The following ZSCAN25 variants were observed in gnomAD, a reference collection of about 807,000 sequenced individuals.
The protein encoded by ZSCAN25 is zinc finger and SCAN domain containing 25.
ZSCAN25 carries 27 observed loss-of-function variants against 38.7 expected under a neutral mutation model. That is an observed-to-expected ratio of 0.70 (90% confidence interval 0.51 to 0.96). The LOEUF (loss-of-function observed/expected upper bound fraction) is 0.96, where lower values mean the gene tolerates loss of function less well. Ranked by LOEUF, ZSCAN25 falls within the 40% of genes least tolerant of loss-of-function variation. The pLI is 0.00. For synonymous variants in ZSCAN25, 273 were observed against 277.7 expected, an observed-to-expected ratio of 0.98 and a Z score of 0.17; for missense variants, 637 against 705.9, an observed-to-expected ratio of 0.90 and a Z score of 1.11.
the ZSCAN25 span, among the ~76,000 whole-genome samples, chr7:99,670,308 C>G: frequency 6.6e-6 from 1 of 152,152 alleles, no homozygotes; most frequent in East Asian, 1.9e-4. Flanking sequence ...TGAAAACCAA[C>G]TTAACAATAC....
At chr7:99,732,666 T>A in the ZSCAN25 span, among the ~76,000 whole-genome samples, 1 of 152,090 alleles carries the variant, frequency 6.6e-6, no homozygotes, top group Non-Finnish European at 1.5e-5. Context: ...AGCAGAAAAG[T>A]TGATGGAAGA....
the ZSCAN25 span, among the ~76,000 whole-genome samples, chr7:99,712,081 C>G: frequency 6.6e-6 from 1 of 152,160 alleles, no homozygotes; most frequent in Non-Finnish European, 1.5e-5. Context: ...GTTGGCCCCT[C>G]TCTTGATTTT....
In ZSCAN25 at chr7:99,622,603, A is replaced by C; in HGVS notation, c.644A>C (p.Gln215Pro). ...CTCCCCGCAGTGAATCCCAGAGACC[A>C]AGAGATGGCAGCTGGGTTCTTTACT... ...PGLPAVNPRD[Q>P]EMAAGFFTAG... Residue 215 changes from glutamine to proline, a missense_variant, in exon 6 of 8, where the codon CAA (glutamine) becomes CCA (proline). By Grantham distance (76) the Gln-to-Pro change is moderately conservative. Coordinates refer to ENST00000394152, the MANE Select transcript of ZSCAN25 (RefSeq NM_145115.3). 1 of 1,614,176 alleles carries C rather than the reference A, an allele frequency of 6.2e-7. No homozygotes were observed. The highest frequency in any genetic ancestry group is 8.5e-7 in the Non-Finnish European group (1 of 1,180,024).
In ZSCAN25 at chr7:99,629,906, C is replaced by T; in HGVS notation, c.1521C>T (p.Ile507=). The part of the protein sequence containing the change: ...KGERLVRHQR[I]HTGEKPYHCP... ...AGCGGCTGGTCCGACACCAGAGAATCCATACAGGGGAGAAGCCCTACCACT... is the reference window on the plus strand; with the variant it reads ...AGCGGCTGGTCCGACACCAGAGAATTCATACAGGGGAGAAGCCCTACCACT... The change falls in exon 8 of 8, where the codon ATC becomes ATT. Residue 507 remains isoleucine (I), a synonymous_variant. Transcript: ENST00000394152. The surrounding 1 kb of genome is among the most constrained non-coding windows in gnomAD (Gnocchi z 5.6). 1 of 1,614,204 alleles carries T rather than the reference C, an allele frequency of 6.2e-7. No homozygotes were observed. The highest frequency in any genetic ancestry group is 1.1e-5 in the South Asian group (1 of 91,080).
At chr7:99,717,479 T>C in the ZSCAN25 span, 1 of 1,609,116 alleles carries the variant, frequency 6.2e-7, no homozygotes, top group Non-Finnish European at 8.5e-7. Context: ...TGTCCCCACC[T>C]GATTCATTCT....
At chr7:99,634,088 A>G (rs535030458), downstream of ZSCAN25, among the ~76,000 whole-genome samples, 1 of 152,286 alleles carries the variant, frequency 6.6e-6, no homozygotes, top group East Asian at 1.9e-4. Flanking sequence ...ATGATGCTGT[A>G]CACCTTCAGT....
Position 99,629,111 on chromosome 7 carries a change from AC to A in ZSCAN25, c.806-76del. On this transcript the variant is annotated intron_variant, in intron 7 of 7. Coordinates refer to ENST00000394152, the MANE Select transcript of ZSCAN25 (RefSeq NM_145115.3). The surrounding 1 kb of genome is among the most constrained non-coding windows in gnomAD (Gnocchi z 5.6). ...AAAAAGAGAAGGAACCATGAATGGG[AC>A]CCCTGTGAAGCAGAGTTCTAACATG... The A allele has an allele frequency of 6.7e-7, 1 of 1,502,650 alleles. No individual in the cohort carries two copies. The highest frequency in any genetic ancestry group is 1.4e-5 in the African/African-American group (1 of 71,508). 93.1% of individuals were successfully genotyped at this position (1,502,650 alleles called of 1,614,324 possible). A position where few individuals can be genotyped will look rare whatever the true frequency, so the allele number is the denominator to read the frequency against.
At position 99,629,147 on chromosome 7, in the gene ZSCAN25, T is replaced by A; in HGVS notation, c.806-44T>A. 6.5e-7 allele frequency: 1 copy of A among 1,542,204 alleles called. No individual in the cohort carries two copies. The highest frequency in any genetic ancestry group is 1.4e-5 in the African/African-American group (1 of 72,414). On this transcript the variant is annotated intron_variant, in intron 7 of 7. Transcript: ENST00000394152. The surrounding 1 kb of genome is among the most constrained non-coding windows in gnomAD (Gnocchi z 5.6). ...GCAGAGTTCTAACATGTAAATGTCC[T>A]GCGGCTACCACAGAATCAATCTTTA... is the stretch of plus-strand genomic sequence containing the variant.
In ZSCAN25 at chr7:99,630,820, T is replaced by A; in HGVS notation, c.*800T>A. The A allele has an allele frequency of 1.0e-6, 1 of 985,452 alleles. No homozygotes were observed. Among genetic ancestry groups the A allele is most frequent in the Non-Finnish European group, 1.2e-6 (1 of 829,914 alleles). The allele number at this position is 985,452 out of a possible 1,614,324, so 61.0% of individuals were successfully genotyped here. A position where few individuals can be genotyped will look rare whatever the true frequency, so the allele number is the denominator to read the frequency against. ...AACTATTAGGAAGTTAGTATTTTGC[T>A]ATTGATCACTGAATAAACATCAGAG... On this transcript the variant is annotated 3_prime_UTR_variant, in exon 8 of 8. Coordinates refer to ENST00000394152, the MANE Select transcript of ZSCAN25 (RefSeq NM_145115.3).
the ZSCAN25 span, chr7:99,685,099 A>G: frequency 7.0e-7 from 1 of 1,420,144 alleles, no homozygotes; most frequent in Non-Finnish European, 9.9e-7. Flanking sequence ...GTTCTAGGTC[A>G]CAGCTTTTTT....
In ZSCAN25 at chr7:99,629,202, A is replaced by C; in HGVS notation, c.817A>C (p.Lys273Gln). The C allele has an allele frequency of 6.2e-7, 1 of 1,609,536 alleles. No individual in the cohort carries two copies. Among genetic ancestry groups the C allele is most frequent in the Non-Finnish European group, 8.5e-7 (1 of 1,177,940 alleles). ...CTCCTGTCCTGTAGGCGGTGGGAGC[A>C]AGGAAAAGGAGGCAAAACCCCCACA... ...DCRVSPGGGS[K>Q]EKEAKPPQED... is the part of the protein sequence containing the mutation. The change falls in exon 8 of 8, where the codon AAG (lysine) becomes CAG (glutamine). Residue 273 changes from lysine to glutamine, a missense_variant. Coordinates refer to ENST00000394152, the MANE Select transcript of ZSCAN25 (RefSeq NM_145115.3). This position sits in a 1 kb window ranked among gnomAD's most constrained non-coding sequence, Gnocchi z 5.6.
downstream of ZSCAN25, among the ~76,000 whole-genome samples, chr7:99,632,989 G>GTTTTTTTTTTTT (rs751799800): frequency 2.3e-5 from 3 of 128,528 alleles, no homozygotes; most frequent in African/African-American, 9.0e-5. Flanking sequence ...ATTTTCTGTT[G>GTTTTTTTTTTTT]TTTTTTTTTT....
At chr7:99,655,537 G>C in the ZSCAN25 span, among the ~76,000 whole-genome samples, 1 of 152,162 alleles carries the variant, frequency 6.6e-6, no homozygotes, top group Non-Finnish European at 1.5e-5. Context: ...TGTTCTTTTG[G>C]CTTAGGATTG....
chr7:99,629,989 C>G lies in ZSCAN25; in HGVS notation c.1604C>G (p.Thr535Ser). 1 of 1,586,646 alleles carries G rather than the reference C, an allele frequency of 6.3e-7. No homozygotes were observed. The highest frequency in any genetic ancestry group is 8.6e-7 in the Non-Finnish European group (1 of 1,166,624). Residue 535 changes from threonine to serine, a missense_variant, in exon 8 of 8, where the codon ACC becomes AGC. Transcript: ENST00000394152. The surrounding 1 kb of genome is among the most constrained non-coding windows in gnomAD (Gnocchi z 5.6). ...QRSILNRHQK[T>S]QHRQEPLVQ ...TCCATCCTCAACCGGCACCAGAAGA[C>G]CCAGCACCGCCAGGAGCCGCTGGTG...
chr7:99,628,468 A>G (rs1807688884), intron 7 of ZSCAN25, among the ~76,000 whole-genome samples: 1 of 152,224 alleles, frequency 6.6e-6, no homozygotes, highest in Non-Finnish European at 1.5e-5. Context: ...GAATATAAGA[A>G]GGATCAGAGT....
At chr7:99,686,136 TAGGGAGTGCCAGAC>T in the ZSCAN25 span, among the ~76,000 whole-genome samples, 2 of 152,176 alleles carry the variant, frequency 1.3e-5, no homozygotes, top group Admixed American at 1.3e-4. Flanking sequence ...TTCATCTCAC[TAGGGAGTGCCAGAC>T]AGTGGGTGCA....
chr7:99,683,609 A>G, the ZSCAN25 span, among the ~76,000 whole-genome samples: 4 of 151,988 alleles, frequency 2.6e-5, no homozygotes, highest in African/African-American at 9.7e-5. Context: ...AACCTCACCC[A>G]TCCCTTCCCA....
the ZSCAN25 span, chr7:99,717,739 T>G: frequency 7.0e-7 from 1 of 1,420,560 alleles, no homozygotes. Context: ...TAACAAATAT[T>G]TAGTGACTGT....
chr7:99,680,806 C>T, the ZSCAN25 span, among the ~76,000 whole-genome samples: 1 of 152,204 alleles, frequency 6.6e-6, no homozygotes, highest in South Asian at 2.1e-4. Flanking sequence ...CTTAATTCCT[C>T]ATAAGGTAAC....
Sources: allele counts gnomAD v4.1 joint callset (sites outside exome capture counted in the v4.1 genomes callset), GRCh38; gene constraint gnomAD v4.1.1; non-coding constraint Gnocchi (gnomAD v3.1); transcripts MANE v1.5; gene names NCBI Gene and HGNC (gene_info 2026-07-23, HGNC 2026-07-21).